The following ATF6 variants were observed in gnomAD, a reference collection of about 807,000 sequenced individuals.
ATF6 encodes the protein activating transcription factor 6, also known as cyclic AMP-dependent transcription factor ATF-6 alpha.
ATF6 carries 53 observed loss-of-function variants against 83.6 expected under a neutral mutation model. That is an observed-to-expected ratio of 0.63 (90% CI 0.51 to 0.80). ATF6 has a LOEUF of 0.80. ATF6 is among the 30% of genes least tolerant of loss of function. The pLI, the probability that ATF6 is intolerant of heterozygous loss-of-function variation, is 0.00. For missense variants in ATF6, 744 were observed against 797.9 expected (o/e 0.93, Z 0.81); for synonymous variants, 288 against 285.8 (o/e 1.01, Z -0.08).
At chr1:161,912,668 G>A (rs564135109) in intron 15 of ATF6, among the ~76,000 whole-genome samples, 1 of 152,276 alleles carries the variant, frequency 6.6e-6, no homozygotes, top group East Asian at 1.9e-4. Flanking sequence ...AGTCATAAAT[G>A]TAGTGTAAGA....
chr1:161,834,858 G>A (rs2101805216), intron 9 of ATF6, among the ~76,000 whole-genome samples: 1 of 152,220 alleles, frequency 6.6e-6, no homozygotes, highest in Non-Finnish European at 1.5e-5. Context: ...AAATTATATA[G>A]AATGTAACAC....
At chr1:161,878,266 A>G (rs1054910757) in intron 14 of ATF6, among the ~76,000 whole-genome samples, 4 of 152,082 alleles carry the variant, frequency 2.6e-5, no homozygotes, top group Non-Finnish European at 5.9e-5. Context: ...AGTGTTTGCC[A>G]CCACACCTGA....
At chr1:161,914,404 G>A (rs890955519) in intron 15 of ATF6, among the ~76,000 whole-genome samples, 1 of 152,022 alleles carries the variant, frequency 6.6e-6, no homozygotes, top group African/African-American at 2.4e-5. Flanking sequence ...CTTATTTGTT[G>A]CTGCCGTCTA....
intron 9 of ATF6, chr1:161,840,254 A>G (rs1008144284): frequency 6.6e-6 from 1 of 152,260 alleles, no homozygotes; most frequent in African/African-American, 2.4e-5. Flanking sequence ...TCAAGTGAGC[A>G]GTCTCAGAGT....
chr1:161,924,134 T>TAAGC (rs1304658200), intron 15 of ATF6, among the ~76,000 whole-genome samples: 2 of 152,254 alleles, frequency 1.3e-5, no homozygotes, highest in African/African-American at 4.8e-5. Flanking sequence ...AATTGCTTAG[T>TAAGC]AAGCACAGGT....
At chr1:161,809,787 G>A (rs1172246899) in intron 7 of ATF6, among the ~76,000 whole-genome samples, 1 of 152,126 alleles carries the variant, frequency 6.6e-6, no homozygotes, top group East Asian at 1.9e-4. Flanking sequence ...TTCTCTGATG[G>A]CCAGTGATGA....
rs76672018 is a variant in ATF6, at chr1:161,866,404, G to A, written c.1719+3092G>A. ...TTTCTCTAAAGCAGACACACTCTTG[G>A]ATAACTACTGAGTTCCTGTTATAGC... On this transcript the variant is annotated intron_variant, in intron 14 of 15. Coordinates refer to ENST00000367942, the MANE Select transcript of ATF6 (RefSeq NM_007348.4). 7.7e-3 allele frequency among the ~76,000 whole-genome samples: 1,169 copies of A among 152,192 alleles called. 13 individuals carry two copies. Among genetic ancestry groups the A allele is most frequent in the African/African-American group, 0.026 (1,090 of 41,520 alleles).
At chr1:161,803,851 T>C (rs1229405113) in intron 7 of ATF6, among the ~76,000 whole-genome samples, 1 of 151,534 alleles carries the variant, frequency 6.6e-6, no homozygotes, top group Admixed American at 6.6e-5. Flanking sequence ...TTTTTTTTTG[T>C]TTTATTATAC....
chr1:161,784,536 G>A (rs16845033), intron 4 of ATF6, among the ~76,000 whole-genome samples: 1,845 of 152,186 alleles, frequency 0.012, 42 homozygotes, highest in African/African-American at 0.041. Flanking sequence ...TTTTGAAGGG[G>A]CTCACGTTTT....
intron 12 of ATF6, among the ~76,000 whole-genome samples, chr1:161,854,500 T>C (rs914702481): frequency 6.6e-6 from 1 of 152,236 alleles, no homozygotes; most frequent in African/African-American, 2.4e-5. Flanking sequence ...TCTTTCTGTG[T>C]GCTCGAGAAG....
intron 7 of ATF6, 121 bp from the exon 8 acceptor site, chr1:161,819,512 A>G (rs1557977444): frequency 5.9e-6 from 4 of 679,700 alleles, no homozygotes; most frequent in South Asian, 5.7e-5. Flanking sequence ...TTTTGAAACA[A>G]CTAGTAACCT....
At chr1:161,914,778 C>T (rs1688059451) in intron 15 of ATF6, among the ~76,000 whole-genome samples, 1 of 152,156 alleles carries the variant, frequency 6.6e-6, no homozygotes, top group Non-Finnish European at 1.5e-5. Flanking sequence ...AGCTTAAATT[C>T]CATGGTCCTG....
At position 161,766,384 on chromosome 1, in the gene ATF6, C is replaced by T. The variant is rs776006837; in HGVS notation, c.24C>T (p.Ala8=). 5.6e-6 allele frequency: 9 copies of T among 1,612,674 alleles called. 1 individual carries two copies. Among genetic ancestry groups the T allele is most frequent in the South Asian group, 5.5e-5 (5 of 90,726 alleles). The change falls in exon 1 of 16, where the codon GCC becomes GCT. Residue 8 remains alanine (A), a synonymous_variant. Transcript: ENST00000367942. Reference sequence around the variant, plus strand: ...AAATGGGGGAGCCGGCTGGGGTTGCCGGCACCATGGAGTCACCTTTTAGCC... The same window carrying T: ...AAATGGGGGAGCCGGCTGGGGTTGCTGGCACCATGGAGTCACCTTTTAGCC... MGEPAGV[A]GTMESPFSPG... is the part of the protein sequence containing the mutation.
chr1:161,862,165 T>C (rs1345698286), intron 13 of ATF6, among the ~76,000 whole-genome samples: 3 of 152,188 alleles, frequency 2.0e-5, no homozygotes, highest in Non-Finnish European at 4.4e-5. Context: ...CAGTGACTTT[T>C]TAGAACATAA....
chr1:161,844,891 C>T (rs1571183208), intron 9 of ATF6, among the ~76,000 whole-genome samples: 1 of 152,178 alleles, frequency 6.6e-6, no homozygotes, highest in African/African-American at 2.4e-5. Context: ...CACTAGGTCT[C>T]TTACCTCATT....
At position 161,920,294 on chromosome 1, in the gene ATF6, C is replaced by CTTTTTTTTTTTTTTTTTTTTTTTTTTT. The variant is rs71798307; in HGVS notation, c.1804+7932_1804+7933insTTTTTTTTTTTTTTTTTTTTTTTTTTT. On this transcript the variant is annotated intron_variant, in intron 15 of 15. Coordinates refer to ENST00000367942, the MANE Select transcript of ATF6 (RefSeq NM_007348.4). Reference sequence around the variant, plus strand: ...TAGTTCTCTTTCTCTCTCTCTCTCTCTTTTTTTTTTTTTTTTTTGAGACAG... The same window carrying CTTTTTTTTTTTTTTTTTTTTTTTTTTT: ...TAGTTCTCTTTCTCTCTCTCTCTCTCTTTTTTTTTTTTTTTTTTTTTTTTTTTTTTTTTTTTTTTTTTTTTGAGACAG... 5.3e-4 allele frequency among the ~76,000 whole-genome samples: 29 copies of CTTTTTTTTTTTTTTTTTTTTTTTTTTT among 54,838 alleles called. 9 individuals are homozygous for CTTTTTTTTTTTTTTTTTTTTTTTTTTT. Among genetic ancestry groups the CTTTTTTTTTTTTTTTTTTTTTTTTTTT allele is most frequent in the Admixed American group, 8.7e-4 (4 of 4,578 alleles). 36.0% of individuals were successfully genotyped at this position (54,838 alleles called of 152,430 possible).
At chr1:161,918,418 AAAT>A (rs1470198945) in intron 15 of ATF6, among the ~76,000 whole-genome samples, 3 of 152,192 alleles carry the variant, frequency 2.0e-5, no homozygotes, top group Non-Finnish European at 4.4e-5. Flanking sequence ...ATTGTTCTAT[AAAT>A]AAAACCATGC....
chr1:161,958,338 G>T, intron 15 of ATF6, 108 bp from the exon 16 acceptor site: 1 of 1,121,194 alleles, frequency 8.9e-7, no homozygotes, highest in East Asian at 2.6e-5. Flanking sequence ...AAAGTTTACT[G>T]ACAGTTCACA....
At chr1:161,827,277 G>C (rs921584270) in intron 9 of ATF6, among the ~76,000 whole-genome samples, 5 of 152,118 alleles carry the variant, frequency 3.3e-5, no homozygotes, top group African/African-American at 1.2e-4. Flanking sequence ...TCTGGTCCGG[G>C]AGTCTGCCAG....
Sources: allele counts gnomAD v4.1 joint callset (sites outside exome capture counted in the v4.1 genomes callset), GRCh38; gene constraint gnomAD v4.1.1; transcripts MANE v1.5; gene names NCBI Gene and HGNC (gene_info 2026-07-23, HGNC 2026-07-21).